The following ITSN1 variants were observed in gnomAD, a reference collection of about 807,000 sequenced individuals.
ITSN1 encodes intersectin-1.
ITSN1 carries 58 observed loss-of-function variants against 239.8 expected under a neutral mutation model. That is an observed-to-expected ratio of 0.24 (90% CI 0.20 to 0.30). ITSN1 has a LOEUF of 0.30. Ranked by LOEUF, ITSN1 falls within the 10% of genes least tolerant of loss-of-function variation. The probability of loss-of-function intolerance (pLI) is 1.00; values close to 1 mark genes in which losing one functional copy is unlikely to be tolerated. For synonymous variants in ITSN1, 780 were observed against 770.8 expected, an observed-to-expected ratio of 1.01 and a Z score of -0.20; for missense variants, 1,558 against 2,103.3, an observed-to-expected ratio of 0.74 and a Z score of 5.07.
At chr21:33,787,650 A>G (rs1235153890) in intron 16 of ITSN1, among the ~76,000 whole-genome samples, 1 of 152,242 alleles carries the variant, frequency 6.6e-6, no homozygotes, top group Non-Finnish European at 1.5e-5. Context: ...AGGAAAAAAG[A>G]AAAGAGCTGG....
intron 1 of ITSN1, among the ~76,000 whole-genome samples, chr21:33,649,389 CTAAG>C (rs111572453): frequency 3.9e-5 from 6 of 152,296 alleles, no homozygotes; most frequent in African/African-American, 1.4e-4. Flanking sequence ...TCGTAGCTCT[CTAAG>C]AAAGTGAATT....
At chr21:33,881,229 A>AAC (rs1297265400) in intron 34 of ITSN1, among the ~76,000 whole-genome samples, 80 of 152,068 alleles carry the variant, frequency 5.3e-4, no homozygotes, top group African/African-American at 1.9e-3. Flanking sequence ...AACATGGTGA[A>AAC]ACCCCGTCTC....
chr21:33,857,717 G>A (rs979541979), intron 30 of ITSN1, among the ~76,000 whole-genome samples: 4 of 152,156 alleles, frequency 2.6e-5, no homozygotes, highest in Admixed American at 1.3e-4. Flanking sequence ...ACTCAAAAAG[G>A]TGCCCCTTTC....
intron 34 of ITSN1, among the ~76,000 whole-genome samples, chr21:33,879,906 C>T (rs1984623326): frequency 6.6e-6 from 1 of 152,362 alleles, no homozygotes; most frequent in South Asian, 2.1e-4. Context: ...TCTCCAACTC[C>T]TGAACTCAGG....
chr21:33,776,235 T>C (rs2069594397), intron 14 of ITSN1, among the ~76,000 whole-genome samples: 1 of 152,034 alleles, frequency 6.6e-6, no homozygotes, highest in African/African-American at 2.4e-5. Context: ...TACTGTGTCA[T>C]GTAAGTGTAT....
At chr21:33,748,616 G>A (rs993530073) in intron 5 of ITSN1, among the ~76,000 whole-genome samples, 10 of 151,928 alleles carry the variant, frequency 6.6e-5, no homozygotes, top group Admixed American at 3.3e-4. Flanking sequence ...GAGGCAGGAC[G>A]ATCACTTGAG....
At position 33,642,599 on chromosome 21, in the gene ITSN1, C is replaced by G. The variant is rs1481410416; in HGVS notation, c.-147C>G. 6.5e-6 allele frequency: 1 copy of G among 152,776 alleles called. No homozygotes were observed. Among genetic ancestry groups the G allele is most frequent in the Non-Finnish European group, 1.5e-5 (1 of 68,356 alleles). 9.5% of individuals were successfully genotyped at this position (152,776 alleles called of 1,614,324 possible). A position where few individuals can be genotyped will look rare whatever the true frequency, so the allele number is the denominator to read the frequency against. On this transcript the variant is annotated 5_prime_UTR_variant, in exon 1 of 40. Transcript: ENST00000381318. ...AATCCCGAGCGGGCTCCGGGACGGA[C>G]AGAGAGGCGGGCGGGGATGGTGTGC...
intron 29 of ITSN1, among the ~76,000 whole-genome samples, chr21:33,839,254 C>T (rs1430388157): frequency 6.6e-6 from 1 of 152,164 alleles, no homozygotes. Context: ...TATAAATATG[C>T]ACGGTATGTG....
Position 33,664,116 on chromosome 21 carries a change from G to C in ITSN1, c.-33+21403G>C, listed in dbSNP as rs146040959. ...CTGTCTTAGCCCACTTCGTGTTGCT[G>C]TAATAGAATATCTGAGGCTGGGTAA... On this transcript the variant is annotated intron_variant, in intron 1 of 39. Coordinates refer to ENST00000381318, the MANE Select transcript of ITSN1 (RefSeq NM_003024.3). 3.4e-3 allele frequency among the ~76,000 whole-genome samples: 521 copies of C among 152,298 alleles called. 2 individuals carry two copies. The highest frequency in any genetic ancestry group is 0.012 in the African/African-American group (493 of 41,556).
chr21:33,817,978 G>A (rs2073401001), intron 22 of ITSN1: 2 of 445,306 alleles, frequency 4.5e-6, no homozygotes, highest in East Asian at 8.0e-5. Context: ...CACACAGCCA[G>A]ATGCAACAGA....
chr21:33,829,639 T>G lies in ITSN1; in HGVS notation c.3245T>G (p.Ile1082Ser). ...LGKKPEIAQV[I>S]ASYTATGPEQ... is the part of the protein sequence containing the mutation. ...TGTTTTTCAGAAATTGCCCAGGTTATTGCCTCATACACCGCCACCGGCCCC... is the reference window on the plus strand; with the variant it reads ...TGTTTTTCAGAAATTGCCCAGGTTAGTGCCTCATACACCGCCACCGGCCCC... Residue 1082 changes from isoleucine to serine, a missense_variant, in exon 27 of 40, where the codon ATT (isoleucine) becomes AGT (serine). Ile to Ser is a moderately radical substitution (Grantham distance 142, BLOSUM62 -2). Around this residue, in one of 2 missense-constraint regions of ITSN1, gnomAD observed 576 missense variants for 893.3 expected, o/e 0.64. Coordinates refer to ENST00000381318, the MANE Select transcript of ITSN1 (RefSeq NM_003024.3). 1.2e-6 allele frequency: 2 copies of G among 1,612,304 alleles called. No homozygotes were observed. Among genetic ancestry groups the G allele is most frequent in the Non-Finnish European group, 1.7e-6 (2 of 1,179,994 alleles).
At chr21:33,652,641 T>C (rs953446370) in intron 1 of ITSN1, among the ~76,000 whole-genome samples, 9 of 152,170 alleles carry the variant, frequency 5.9e-5, no homozygotes, top group Non-Finnish European at 8.8e-5. Flanking sequence ...AAAAGGTACT[T>C]GTTTCCTGTT....
chr21:33,710,785 T>G (rs930570134), intron 1 of ITSN1, among the ~76,000 whole-genome samples: 3 of 151,540 alleles, frequency 2.0e-5, no homozygotes, highest in Non-Finnish European at 4.4e-5. Context: ...ACTATGGCTT[T>G]CTTTTGGGGG....
At chr21:33,848,115 T>C (rs2075040817) in intron 29 of ITSN1, among the ~76,000 whole-genome samples, 1 of 152,260 alleles carries the variant, frequency 6.6e-6, no homozygotes, top group African/African-American at 2.4e-5. Context: ...CCTCCTCGAC[T>C]GGACTTCCCC....
Position 33,705,686 on chromosome 21 carries a change from C to T in ITSN1, c.-32-13111C>T, listed in dbSNP as rs569767082. On this transcript the variant is annotated intron_variant, in intron 1 of 39. Coordinates refer to ENST00000381318, the MANE Select transcript of ITSN1 (RefSeq NM_003024.3). Reference sequence around the variant, plus strand: ...GGATTACAGGCGTGAGCCACTGCACCTGGCTAAAACCTACATTTTTTTCAA... The same window carrying T: ...GGATTACAGGCGTGAGCCACTGCACTTGGCTAAAACCTACATTTTTTTCAA... 3.3e-5 allele frequency among the ~76,000 whole-genome samples: 5 copies of T among 152,190 alleles called. 1 individual carries two copies. In the East Asian group the frequency reaches 5.8e-4, roughly 18 times the overall value.
At chr21:33,834,542 G>T (rs945949846) in intron 28 of ITSN1, 118 bp downstream of exon 28, 13 of 732,964 alleles carry the variant, frequency 1.8e-5, no homozygotes, top group Non-Finnish European at 2.9e-5. Flanking sequence ...AGCACTTCCT[G>T]TACTTGCTGG....
At position 33,799,462 on chromosome 21, in the gene ITSN1, G is replaced by C. The variant is rs368976524; in HGVS notation, c.2183-346G>C. ...TGCTACATTGTACTCAACACACTGG[G>C]TAGGGAGGAGGGCGGGTATTGATGC... On this transcript the variant is annotated intron_variant, in intron 18 of 39. Coordinates refer to ENST00000381318, the MANE Select transcript of ITSN1 (RefSeq NM_003024.3). Among the ~76,000 whole-genome samples, 7 of 152,282 alleles carry C rather than the reference G, an allele frequency of 4.6e-5. No homozygotes were observed. In the East Asian group the frequency reaches 1.4e-3, roughly 29 times the overall value.
At chr21:33,800,075 CTTCT>C (rs1264607088) in intron 19 of ITSN1, 146 bp downstream of exon 19, 6 of 720,842 alleles carry the variant, frequency 8.3e-6, no homozygotes, top group Non-Finnish European at 6.1e-6. Context: ...TAAGCTCAAT[CTTCT>C]TTCTTTTCTA....
Position 33,751,792 on chromosome 21 carries a change from C to G in ITSN1, c.527-18C>G, listed in dbSNP as rs1411675767. On this transcript the variant is annotated intron_variant, in intron 6 of 39. Transcript: ENST00000381318. ...TTATCTTTGTAGAATTAAAATTATT[C>G]AACATTTATTTTTACAGCAGCCACA... The G allele has an allele frequency of 6.4e-7, 1 of 1,552,844 alleles. No homozygotes were observed. The highest frequency in any genetic ancestry group is 1.7e-5 in the Admixed American group (1 of 58,030).
Sources: allele counts gnomAD v4.1 joint callset (sites outside exome capture counted in the v4.1 genomes callset), GRCh38; gene constraint gnomAD v4.1.1; regional missense constraint gnomAD v4.1.1; transcripts MANE v1.5; gene names NCBI Gene and HGNC (gene_info 2026-07-23, HGNC 2026-07-21).